Variants in GALNT13 observed in about 807,000 individuals in gnomAD.
The protein encoded by GALNT13 is polypeptide N-acetylgalactosaminyltransferase 13.
Under a neutral mutation model 64.2 loss-of-function variants are expected in GALNT13, and 28 were observed. That is an observed-to-expected ratio of 0.44 (90% confidence interval 0.32 to 0.60). GALNT13 has a LOEUF of 0.60. GALNT13 is among the 20% of genes least tolerant of loss of function. GALNT13 has a pLI of 0.05. For synonymous variants in GALNT13, 214 were observed against 224.6 expected (o/e 0.95, Z 0.42); for missense variants, 577 against 669.8 (o/e 0.86, Z 1.53).
At chr2:154,148,997 C>T (rs1409408611) in intron 4 of GALNT13, among the ~76,000 whole-genome samples, 3 of 152,056 alleles carry the variant, frequency 2.0e-5, no homozygotes, top group South Asian at 2.1e-4. Context: ...CATGAAGTCC[C>T]TGCCCATGCC....
At chr2:153,804,706 C>T in the GALNT13 span, among the ~76,000 whole-genome samples, 1 of 151,986 alleles carries the variant, frequency 6.6e-6, no homozygotes, top group South Asian at 2.1e-4. Flanking sequence ...CAAATTGTAA[C>T]TGATTTCATG....
intron 9 of GALNT13, among the ~76,000 whole-genome samples, chr2:154,351,117 T>A (rs962199803): frequency 2.0e-5 from 3 of 152,056 alleles, no homozygotes; most frequent in African/African-American, 7.2e-5. Flanking sequence ...TGAGTCTGCA[T>A]CAGGAAGCAC....
the GALNT13 span, among the ~76,000 whole-genome samples, chr2:153,739,646 T>TTA: frequency 6.7e-6 from 1 of 148,888 alleles, no homozygotes; most frequent in Non-Finnish European, 1.5e-5. Flanking sequence ...TTATTTTATT[T>TTA]TTATTATTTA....
At chr2:153,801,169 A>T in the GALNT13 span, among the ~76,000 whole-genome samples, 2 of 152,226 alleles carry the variant, frequency 1.3e-5, no homozygotes, top group South Asian at 4.1e-4. Context: ...AGATCATTCA[A>T]ACTTTCTTGA....
intron 8 of GALNT13, chr2:154,287,561 G>T: frequency 8.4e-6 from 2 of 237,318 alleles, no homozygotes; most frequent in Non-Finnish European, 1.7e-5. Flanking sequence ...TCCTTCTTCT[G>T]CTTGTTCTAC....
At chr2:153,528,351 T>C in the GALNT13 span, among the ~76,000 whole-genome samples, 1 of 151,976 alleles carries the variant, frequency 6.6e-6, no homozygotes, top group Non-Finnish European at 1.5e-5. Context: ...TATATAATGA[T>C]AAAGGGGTCA....
chr2:153,672,158 A>G, the GALNT13 span, among the ~76,000 whole-genome samples: 1 of 152,182 alleles, frequency 6.6e-6, no homozygotes, highest in African/African-American at 2.4e-5. Context: ...CAGAAAATTA[A>G]CAAGGATATC....
At chr2:154,280,434 G>A (rs1399347773) in intron 8 of GALNT13, among the ~76,000 whole-genome samples, 2 of 152,084 alleles carry the variant, frequency 1.3e-5, no homozygotes, top group Non-Finnish European at 2.9e-5. Context: ...ATTCTCAAGA[G>A]GAGACAGGTT....
the GALNT13 span, among the ~76,000 whole-genome samples, chr2:153,515,707 A>T: frequency 6.6e-6 from 1 of 152,204 alleles, no homozygotes. Flanking sequence ...GTTTACGGGA[A>T]GTAGGGAAGG....
the GALNT13 span, among the ~76,000 whole-genome samples, chr2:153,270,731 A>C: frequency 1.3e-5 from 2 of 152,130 alleles, no homozygotes; most frequent in Non-Finnish European, 2.9e-5. Context: ...CACCCCTTGT[A>C]GACTGAGCTA....
At chr2:154,000,247 C>T (rs1271805854) in intron 3 of GALNT13, among the ~76,000 whole-genome samples, 1 of 151,038 alleles carries the variant, frequency 6.6e-6, no homozygotes, top group Non-Finnish European at 1.5e-5. Flanking sequence ...TGTATCTGTT[C>T]GTATTTTCAA....
the GALNT13 span, among the ~76,000 whole-genome samples, chr2:153,587,626 A>G: frequency 6.6e-6 from 1 of 152,192 alleles, no homozygotes; most frequent in African/African-American, 2.4e-5. Flanking sequence ...TCCATGATTC[A>G]GTTACCTCCC....
chr2:154,411,516 A>T (rs1699794098), intron 11 of GALNT13, among the ~76,000 whole-genome samples: 1 of 151,740 alleles, frequency 6.6e-6, no homozygotes. Flanking sequence ...GTGTCACTAG[A>T]ACTTCAAAAG....
At chr2:154,161,974 G>T (rs1232242877) in intron 4 of GALNT13, among the ~76,000 whole-genome samples, 1 of 151,928 alleles carries the variant, frequency 6.6e-6, no homozygotes, top group Non-Finnish European at 1.5e-5. Flanking sequence ...GTAGAGATGG[G>T]GTTTCACTGT....
the GALNT13 span, among the ~76,000 whole-genome samples, chr2:153,123,274 G>A: frequency 6.6e-6 from 1 of 152,030 alleles, no homozygotes; most frequent in Non-Finnish European, 1.5e-5. Flanking sequence ...AGAGATTGCC[G>A]ACCTATTGAC....
the GALNT13 span, among the ~76,000 whole-genome samples, chr2:153,625,347 A>G: frequency 6.6e-6 from 1 of 152,140 alleles, no homozygotes; most frequent in African/African-American, 2.4e-5. Context: ...TATGGTACTG[A>G]CTATAATAAT....
At chr2:153,206,285 T>C in the GALNT13 span, among the ~76,000 whole-genome samples, 1 of 152,100 alleles carries the variant, frequency 6.6e-6, no homozygotes, top group Admixed American at 6.5e-5. Flanking sequence ...AGAGTGAAGT[T>C]ACTGATATAT....
At chr2:153,633,032 A>C in the GALNT13 span, among the ~76,000 whole-genome samples, 3 of 152,262 alleles carry the variant, frequency 2.0e-5, no homozygotes, top group South Asian at 2.1e-4. Context: ...AAGTGCTGGG[A>C]TTACAGGCGT....
chr2:153,789,838 T>G, the GALNT13 span, among the ~76,000 whole-genome samples: 1 of 152,024 alleles, frequency 6.6e-6, no homozygotes. Context: ...CTAGAAGACA[T>G]GGATAAATAT....
Sources: gnomAD v4.1 joint callset for allele counts (sites outside exome capture counted in the v4.1 genomes callset) on GRCh38, gnomAD v4.1.1 for gene constraint, MANE v1.5 for transcripts, NCBI Gene and HGNC (gene_info 2026-07-23, HGNC 2026-07-21) for gene names.